LRRC69: variants seen among roughly 807,000 people sequenced by gnomAD.
LRRC69 encodes the protein leucine-rich repeat-containing protein 69.
A neutral mutation model predicts 37.8 loss-of-function variants in LRRC69; 42 were observed. That is an observed-to-expected ratio of 1.11 (90% CI 0.87 to 1.44). The LOEUF is 1.44. Among genes scored for constraint, LRRC69 ranks in the 40% most tolerant of loss-of-function variants. LRRC69 has a pLI of 0.00. For missense variants in LRRC69, 357 were observed against 401.9 expected, an observed-to-expected ratio of 0.89 and a Z score of 0.96; for synonymous variants, 141 against 143.1, an observed-to-expected ratio of 0.99 and a Z score of 0.11.
intron 7 of LRRC69, among the ~76,000 whole-genome samples, chr8:91,201,026 C>T (rs569439990): frequency 1.7e-4 from 26 of 152,198 alleles, no homozygotes; most frequent in Admixed American, 1.3e-3. Context: ...AGCAAAATTT[C>T]ATGAAAGTTG....
At chr8:91,185,852 C>T (rs979990496) in intron 5 of LRRC69, among the ~76,000 whole-genome samples, 1 of 151,960 alleles carries the variant, frequency 6.6e-6, no homozygotes, top group Non-Finnish European at 1.5e-5. Flanking sequence ...TTGAAGAATG[C>T]ACAGGGATTT....
chr8:91,141,713 T>C (rs1482276249), intron 5 of LRRC69, among the ~76,000 whole-genome samples: 1 of 152,034 alleles, frequency 6.6e-6, no homozygotes. Context: ...AAGATAAATA[T>C]GTGATTTTTA....
intron 7 of LRRC69, among the ~76,000 whole-genome samples, chr8:91,217,343 G>A (rs138199137): frequency 6.6e-6 from 1 of 152,234 alleles, no homozygotes; most frequent in East Asian, 1.9e-4. Flanking sequence ...TCTAAATTAG[G>A]TTTCCAAATT....
At chr8:91,143,479 C>A (rs1015146363) in intron 5 of LRRC69, among the ~76,000 whole-genome samples, 2 of 152,004 alleles carry the variant, frequency 1.3e-5, no homozygotes, top group African/African-American at 2.4e-5. Flanking sequence ...CATGATTTAA[C>A]ATTCATGTGA....
intron 5 of LRRC69, among the ~76,000 whole-genome samples, chr8:91,159,515 C>T (rs1001995050): frequency 2.0e-5 from 3 of 151,030 alleles, no homozygotes; most frequent in African/African-American, 7.3e-5. Flanking sequence ...GTTGTGAATA[C>T]AATGACATAT....
At chr8:91,217,629 G>A (rs111492780) in intron 7 of LRRC69, among the ~76,000 whole-genome samples, 2,014 of 152,204 alleles carry the variant, frequency 0.013, 32 homozygotes, top group African/African-American at 0.046. Flanking sequence ...GCCAGGGAGT[G>A]AGAAAAGTTG....
rs35003763 is a variant in LRRC69 at position 91,117,559 on chromosome 8, CTTTTTTTTTTT to C, written c.184-6920_184-6910del. Among the ~76,000 whole-genome samples the C allele has an allele frequency of 4.3e-5, 5 of 115,116 alleles. No homozygotes were observed. The East Asian group carries it at 1.0e-3, about 23-fold the overall frequency. 75.5% of individuals were successfully genotyped at this position (115,116 alleles called of 152,430 possible). On this transcript the variant is annotated intron_variant, in intron 1 of 7. Coordinates refer to ENST00000448384, the Ensembl canonical transcript of LRRC69. The stretch of plus-strand genomic sequence containing the variant: ...TAGAAGCCGAAACTAACAAGATCCA[CTTTTTTTTTTT>C]TTTTTTTTTTTTTACAGGGATAACT...
intron 7 of LRRC69, among the ~76,000 whole-genome samples, chr8:91,207,811 G>C (rs1348899746): frequency 1.3e-5 from 2 of 152,182 alleles, no homozygotes; most frequent in African/African-American, 4.8e-5. Context: ...TGTGAAGTTT[G>C]AGCTTAATTT....
At chr8:91,192,527 T>C (rs1809516258) in intron 6 of LRRC69, among the ~76,000 whole-genome samples, 1 of 151,210 alleles carries the variant, frequency 6.6e-6, no homozygotes. Context: ...GACTTTTTAA[T>C]GATTGCCATT....
chr8:91,154,386 A>G lies in LRRC69; in HGVS notation c.651+18647A>G, dbSNP rs181110916. Among the ~76,000 whole-genome samples the G allele has an allele frequency of 2.7e-4, 41 of 152,010 alleles. No homozygotes were observed. In the Middle Eastern group the frequency reaches 0.01, roughly 38 times the overall value. On this transcript the variant is annotated intron_variant, in intron 5 of 7. Coordinates refer to ENST00000448384, the Ensembl canonical transcript of LRRC69. ...CCTCCCTAACTCATTTTGTGAGGCC[A>G]GCATCATTCTGATACCAAAGCCTGG...
chr8:91,162,846 A>G (rs1340035472), intron 5 of LRRC69, among the ~76,000 whole-genome samples: 1 of 150,886 alleles, frequency 6.6e-6, no homozygotes, highest in African/African-American at 2.4e-5. Flanking sequence ...AGTTCTAGAT[A>G]TGTTCTCCTG....
intron 5 of LRRC69, among the ~76,000 whole-genome samples, chr8:91,177,054 T>A (rs1438011631): frequency 6.6e-6 from 1 of 152,158 alleles, no homozygotes; most frequent in Non-Finnish European, 1.5e-5. Flanking sequence ...AATTATAGTC[T>A]TTTTTGGGGG....
chr8:91,145,657 A>G (rs1201447210), intron 5 of LRRC69, among the ~76,000 whole-genome samples: 1 of 151,710 alleles, frequency 6.6e-6, no homozygotes, highest in East Asian at 1.9e-4. Context: ...TGCTATTCTA[A>G]TGGAAACCCC....
At chr8:91,161,341 T>C (rs1808941263) in intron 5 of LRRC69, among the ~76,000 whole-genome samples, 1 of 151,446 alleles carries the variant, frequency 6.6e-6, no homozygotes, top group Non-Finnish European at 1.5e-5. Flanking sequence ...TCCTTCTTTC[T>C]TTTCGGAATG....
At chr8:91,124,664 C>G in intron 2 of LRRC69, 45 bp downstream of exon 2, 2 of 1,450,692 alleles carry the variant, frequency 1.4e-6, no homozygotes, top group Non-Finnish European at 1.8e-6. Flanking sequence ...CAAATTTAAT[C>G]TCTCATATTT....
chr8:91,161,160 G>T (rs1586256639), intron 5 of LRRC69, among the ~76,000 whole-genome samples: 1 of 151,296 alleles, frequency 6.6e-6, no homozygotes, highest in East Asian at 2.0e-4. Flanking sequence ...TGATCATGGT[G>T]TGTAATCATT....
intron 3 of LRRC69, among the ~76,000 whole-genome samples, chr8:91,128,205 T>C (rs1563597687): frequency 6.6e-6 from 1 of 152,054 alleles, no homozygotes; most frequent in Non-Finnish European, 1.5e-5. Context: ...TTTATGCCTT[T>C]GGACCAGTAA....
chr8:91,117,046 C>T (rs181120471), intron 1 of LRRC69, among the ~76,000 whole-genome samples: 67 of 151,932 alleles, frequency 4.4e-4, no homozygotes, highest in African/African-American at 1.5e-3. Flanking sequence ...TGGGTCAATA[C>T]AATCAAACAA....
Position 91,103,600 on chromosome 8 carries a change from AAGGCGTTAT to A in LRRC69, c.183+759_183+767del, listed in dbSNP as rs1429155706. Among the ~76,000 whole-genome samples the A allele has an allele frequency of 4.1e-4, 63 of 152,156 alleles. 4 individuals carry two copies. Among genetic ancestry groups the A allele is most frequent in the Non-Finnish European group, 5.9e-5 (4 of 68,016 alleles). On this transcript the variant is annotated intron_variant, in intron 1 of 7. Coordinates refer to ENST00000448384, the Ensembl canonical transcript of LRRC69. ...GCACAGGAAGAACCTAGAAGCAGCT[AAGGCGTTAT>A]AGCTCATTAATTTTGAATTTACAGT...
Sources: gnomAD v4.1 joint callset for allele counts (sites outside exome capture counted in the v4.1 genomes callset) on GRCh38, gnomAD v4.1.1 for gene constraint, MANE v1.5 for transcripts, NCBI Gene and HGNC (gene_info 2026-07-23, HGNC 2026-07-21) for gene names.